RERE: variants seen among roughly 807,000 people sequenced by gnomAD.
RERE encodes the protein arginine-glutamic acid dipeptide repeats protein.
In RERE, 40 loss-of-function variants were observed where a neutral mutation model predicts 146.1. The ratio of observed to expected loss-of-function variants is 0.27; its 90% CI spans 0.21 to 0.36. The LOEUF is 0.36. Among genes scored for constraint, RERE ranks in the 10% least tolerant of loss-of-function variants. The pLI is 1.00. For missense variants in RERE, 1,933 were observed against 2,138.7 expected, an observed-to-expected ratio of 0.90 and a Z score of 1.90; for synonymous variants, 1,003 against 866.0, an observed-to-expected ratio of 1.16 and a Z score of -2.78.
intron 1 of RERE, among the ~76,000 whole-genome samples, chr1:8,777,420 A>G (rs1569776259): frequency 6.6e-6 from 1 of 152,238 alleles, no homozygotes; most frequent in Non-Finnish European, 1.5e-5. Context: ...AACTTTTTGA[A>G]GAAAAATATC....
chr1:8,455,960 A>G (rs186750951), intron 11 of RERE, among the ~76,000 whole-genome samples: 1 of 152,312 alleles, frequency 6.6e-6, no homozygotes, highest in Admixed American at 6.5e-5. Context: ...GGAAAGAAGA[A>G]TATCAGAACA....
At chr1:8,694,559 G>T (rs1639279456) in intron 1 of RERE, among the ~76,000 whole-genome samples, 1 of 152,106 alleles carries the variant, frequency 6.6e-6, no homozygotes, top group Non-Finnish European at 1.5e-5. Context: ...AGGAATTCAA[G>T]ACCAGCCTGA....
rs1369481522 is a variant in RERE, at chr1:8,817,582, T to C, written c.-567A>G. ...ACCGAGGCCCAGCGGGGCGAGCGTC[T>C]CGGGGTGTGCGGGAGGCTGAGGAGG... On this transcript the variant is annotated 5_prime_UTR_variant, in exon 1 of 23. Coordinates refer to ENST00000400908, the MANE Select transcript of RERE (RefSeq NM_001042681.2). The C allele has an allele frequency of 1.4e-5, 2 of 147,176 alleles. No individual in the cohort carries two copies. The highest frequency in any genetic ancestry group is 5.0e-5 in the African/African-American group (2 of 39,772). The allele number at this position is 147,176 out of a possible 1,614,324, so 9.1% of individuals were successfully genotyped here.
At chr1:8,622,485 TTAAAAAAAAAA>T (rs1455439934) in intron 3 of RERE, among the ~76,000 whole-genome samples, 65 of 69,420 alleles carry the variant, frequency 9.4e-4, no homozygotes, top group Non-Finnish European at 1.0e-3. Context: ...CTGTATCTGT[TTAAAAAAAAAA>T]AAAAAAAAAA....
rs1406157071 is a variant in RERE at position 8,359,764 on chromosome 1, A to T, written c.3618T>A (p.Ala1206=). 6.3e-7 allele frequency: 1 copy of T among 1,599,520 alleles called. No homozygotes were observed. Among genetic ancestry groups the T allele is most frequent in the Non-Finnish European group, 8.5e-7 (1 of 1,179,286 alleles). ...REREREAERA[A]KASSSAHEGR... is the part of the protein sequence containing the mutation. ...CACACCTCGCCAACCCTGGACTCAC[A>T]GCCGCCCGCTCTGCCTCGCGCTCCC... The change falls in exon 19 of 23, where the codon GCT becomes GCA. Residue 1206 remains alanine (A), a splice_region_variant and synonymous_variant. Transcript: ENST00000400908.
intron 1 of RERE, among the ~76,000 whole-genome samples, chr1:8,785,261 T>C (rs1641239411): frequency 6.6e-6 from 1 of 152,174 alleles, no homozygotes; most frequent in African/African-American, 2.4e-5. Context: ...TGGATTTTGA[T>C]AACAGCAGAA....
chr1:8,497,581 G>T, intron 8 of RERE, 52 bp from the exon 9 acceptor site: 1 of 1,599,612 alleles, frequency 6.3e-7, no homozygotes, highest in Admixed American at 1.7e-5. Context: ...TAATTATAAA[G>T]AGCTATCTCA....
intron 13 of RERE, among the ~76,000 whole-genome samples, chr1:8,365,411 A>G (rs192255094): frequency 1.3e-5 from 2 of 152,290 alleles, no homozygotes; most frequent in Non-Finnish European, 1.5e-5. Context: ...GAGGAAAAAG[A>G]AGAAAGTGTT....
intron 10 of RERE, among the ~76,000 whole-genome samples, chr1:8,473,483 A>G (rs1644716425): frequency 6.6e-6 from 1 of 152,208 alleles, no homozygotes; most frequent in African/African-American, 2.4e-5. Flanking sequence ...TCTGAATAAT[A>G]AACACTTAAT....
chr1:8,523,419 C>A (rs1303541153), intron 7 of RERE, among the ~76,000 whole-genome samples: 1 of 152,126 alleles, frequency 6.6e-6, no homozygotes, highest in Non-Finnish European at 1.5e-5. Flanking sequence ...GCTACATTCC[C>A]AACATTTCCT....
chr1:8,429,529 T>C (rs1224293014), intron 11 of RERE, among the ~76,000 whole-genome samples: 1 of 152,184 alleles, frequency 6.6e-6, no homozygotes, highest in Admixed American at 6.5e-5. Flanking sequence ...CTGACCCCTA[T>C]CTGCAGTAGC....
chr1:8,502,855 A>C (rs1282799288), intron 8 of RERE, among the ~76,000 whole-genome samples: 3 of 149,436 alleles, frequency 2.0e-5, no homozygotes, highest in Non-Finnish European at 3.0e-5. Context: ...AGGGCGGTGC[A>C]AGATGTGCTT....
chr1:8,645,721 C>CA (rs1466070918), intron 2 of RERE, among the ~76,000 whole-genome samples: 1 of 151,912 alleles, frequency 6.6e-6, no homozygotes, highest in Non-Finnish European at 1.5e-5. Context: ...CCTATAAAAT[C>CA]AAAAAAGATA....
At chr1:8,736,448 C>A (rs1353621422) in intron 1 of RERE, among the ~76,000 whole-genome samples, 2 of 152,118 alleles carry the variant, frequency 1.3e-5, no homozygotes, top group Non-Finnish European at 2.9e-5. Flanking sequence ...ACCTCGTGAT[C>A]CACCCACCTC....
intron 4 of RERE, among the ~76,000 whole-genome samples, chr1:8,589,971 C>T (rs1646473278): frequency 2.6e-5 from 4 of 152,166 alleles, no homozygotes; most frequent in Admixed American, 6.5e-5. Context: ...TGGTACAGCC[C>T]TCTGTGTGTA....
intron 1 of RERE, among the ~76,000 whole-genome samples, chr1:8,743,511 T>C (rs1247258650): frequency 6.7e-6 from 1 of 150,346 alleles, no homozygotes; most frequent in Non-Finnish European, 1.5e-5. Context: ...CAAGGAATCC[T>C]CGGCCTCCCA....
At chr1:8,396,546 G>A (rs1643062014) in intron 12 of RERE, among the ~76,000 whole-genome samples, 2 of 152,138 alleles carry the variant, frequency 1.3e-5, no homozygotes, top group Non-Finnish European at 2.9e-5. Context: ...GGATAACAAC[G>A]GAAGCAGTCA....
intron 1 of RERE, among the ~76,000 whole-genome samples, chr1:8,754,204 C>T (rs569401205): frequency 6.6e-6 from 1 of 151,500 alleles, no homozygotes; most frequent in Non-Finnish European, 1.5e-5. Flanking sequence ...CTCCCACTCC[C>T]AATTCCTTTT....
chr1:8,803,509 G>A (rs1357946853), intron 1 of RERE, among the ~76,000 whole-genome samples: 2 of 151,876 alleles, frequency 1.3e-5, no homozygotes. Flanking sequence ...GTTCATTATC[G>A]ACCATCACAG....
Sources: gnomAD v4.1 joint callset for allele counts (sites outside exome capture counted in the v4.1 genomes callset) on GRCh38, gnomAD v4.1.1 for gene constraint, MANE v1.5 for transcripts, NCBI Gene and HGNC (gene_info 2026-07-23, HGNC 2026-07-21) for gene names.